The following RAB33B variants were observed in gnomAD, a reference collection of about 807,000 sequenced individuals.
RAB33B encodes the protein ras-related protein Rab-33B.
Under a neutral mutation model 15.0 loss-of-function variants are expected in RAB33B, and 6 were observed. The observed-to-expected ratio is 0.40, with a 90% CI of 0.22 to 0.79. The LOEUF is 0.79. RAB33B is among the 30% of genes least tolerant of loss of function. RAB33B has a pLI of 0.37. For missense variants in RAB33B, 257 were observed against 296.4 expected (o/e 0.87, Z 0.98); for synonymous variants, 117 against 108.3 (o/e 1.08, Z -0.50).
At chr4:139,453,046 G>T (rs1012841067), upstream of RAB33B, 2 of 152,130 alleles carry the variant, frequency 1.3e-5, no homozygotes, top group African/African-American at 4.8e-5. Context: ...TAAGGTTGGG[G>T]GTTTAATCTA....
Position 139,454,216 on chromosome 4 carries a change from G to A in RAB33B, c.21G>A (p.Ser7=). The part of the protein sequence containing the change: MAEEME[S]SLEASFSSSG... ...GGGGAATGGCTGAGGAGATGGAGTC[G>A]TCGCTCGAGGCAAGCTTTTCGTCCA... The change falls in exon 1 of 2, where the codon TCG becomes TCA. Residue 7 remains serine (S), a synonymous_variant. Coordinates refer to ENST00000305626, the MANE Select transcript of RAB33B (RefSeq NM_031296.3). 1 of 1,613,396 alleles carries A rather than the reference G, an allele frequency of 6.2e-7. No homozygotes were observed. Among genetic ancestry groups the A allele is most frequent in the South Asian group, 1.1e-5 (1 of 90,998 alleles).
chr4:139,449,717 AC>A (rs1383152349), upstream of RAB33B: 1 of 151,874 alleles, frequency 6.6e-6, no homozygotes, highest in Non-Finnish European at 1.5e-5. Flanking sequence ...CTATTCTGGG[AC>A]CTTGTGATCA....
rs1750495243 is a variant in RAB33B at position 139,475,992 on chromosome 4, G to A, written c.*2866G>A. 1 of 151,988 alleles carries A rather than the reference G, an allele frequency of 6.6e-6. No homozygotes were observed. The highest frequency in any genetic ancestry group is 2.1e-4 in the South Asian group (1 of 4,816). 9.4% of individuals were successfully genotyped at this position (151,988 alleles called of 1,614,324 possible). ...AATCTTTTTTTCCTCCTGGTTTCCA[G>A]ATAATATTATATATATGATACACTT... On this transcript the variant is annotated 3_prime_UTR_variant, in exon 2 of 2. Coordinates refer to ENST00000305626, the MANE Select transcript of RAB33B (RefSeq NM_031296.3).
At position 139,454,879 on chromosome 4, in the gene RAB33B, A is replaced by G. The variant is rs563041508; in HGVS notation, c.249+435A>G. Among the ~76,000 whole-genome samples the G allele has an allele frequency of 3.9e-5, 6 of 152,352 alleles. No individual in the cohort carries two copies. The East Asian group carries it at 1.2e-3, about 29-fold the overall frequency. On this transcript the variant is annotated intron_variant, in intron 1 of 1. Transcript: ENST00000305626. ...AATCAGTAATAGTTATTAAACATTC[A>G]TTCGAGCAGTGCCTTAGATGTTGTG...
Position 139,454,163 on chromosome 4 carries a change from TTCCTC to T in RAB33B, c.-32_-28del. The T allele has an allele frequency of 1.3e-6, 2 of 1,586,408 alleles. No individual in the cohort carries two copies. Among genetic ancestry groups the T allele is most frequent in the Non-Finnish European group, 1.7e-6 (2 of 1,165,442 alleles). ...ATCTCTCAGCCTTTCTGTGTCTCCTTTCCTCCGCCTCAGTTTGGGGCGGGTCGGGG... is the reference window on the plus strand; with the variant it reads ...ATCTCTCAGCCTTTCTGTGTCTCCTTCGCCTCAGTTTGGGGCGGGTCGGGG... On this transcript the variant is annotated 5_prime_UTR_variant, in exon 1 of 2. Transcript: ENST00000305626.
At chr4:139,471,514 C>T (rs995555203) in intron 1 of RAB33B, among the ~76,000 whole-genome samples, 2 of 146,434 alleles carry the variant, frequency 1.4e-5, no homozygotes, top group East Asian at 2.0e-4. Context: ...ATTTTTGGTT[C>T]TTATGAAGTT....
upstream of RAB33B, chr4:139,452,827 T>C (rs981887801): frequency 1.3e-5 from 2 of 152,270 alleles, no homozygotes; most frequent in Admixed American, 1.3e-4. Context: ...CTAGAACTTT[T>C]AGTGCTCTAC....
In RAB33B at chr4:139,474,670, T is replaced by G. The variant is rs770923966; in HGVS notation, c.*1544T>G. 4 of 152,660 alleles carry G rather than the reference T, an allele frequency of 2.6e-5. No individual in the cohort carries two copies. Among genetic ancestry groups the G allele is most frequent in the Non-Finnish European group, 5.9e-5 (4 of 68,030 alleles). The allele number at this position is 152,660 out of a possible 1,614,324, so 9.5% of individuals were successfully genotyped here. On this transcript the variant is annotated 3_prime_UTR_variant, in exon 2 of 2. Transcript: ENST00000305626. The stretch of plus-strand genomic sequence containing the variant: ...TTAGATATTGAAAAATGTCTAAACT[T>G]CAGTGATGGAAAGAATATTTCAAGA...
upstream of RAB33B, chr4:139,452,143 C>T (rs928723212): frequency 9.9e-5 from 15 of 152,200 alleles, no homozygotes; most frequent in African/African-American, 3.6e-4. Context: ...TTCAAGTTAA[C>T]AATCCTTACA....
At chr4:139,464,850 C>T (rs145408626) in intron 1 of RAB33B, among the ~76,000 whole-genome samples, 220 of 152,234 alleles carry the variant, frequency 1.4e-3, no homozygotes, top group African/African-American at 5.0e-3. Context: ...AATAAACATA[C>T]GTGCGCATGT....
chr4:139,441,040 TC>T, the RAB33B span, among the ~76,000 whole-genome samples: 1 of 152,170 alleles, frequency 6.6e-6, no homozygotes, highest in African/African-American at 2.4e-5. Flanking sequence ...CCGCATATTT[TC>T]CCCCAGTTGC....
In RAB33B at chr4:139,472,939, A is replaced by G. The variant is rs1365292099; in HGVS notation, c.503A>G (p.Asp168Gly). 4.3e-6 allele frequency: 7 copies of G among 1,614,206 alleles called. No homozygotes were observed. The highest frequency in any genetic ancestry group is 5.1e-6 in the Non-Finnish European group (6 of 1,180,026). Residue 168 changes from aspartate (D) to glycine (G), a missense_variant, in exon 2 of 2, where the codon GAC (aspartate) becomes GGC (glycine). Transcript: ENST00000305626. Reference sequence around the variant, plus strand: ...ACAGACTTGGCACAAAAATTTGCTGACACACACAGTATGCCTTTGTTTGAA... The same window carrying G: ...ACAGACTTGGCACAAAAATTTGCTGGCACACACAGTATGCCTTTGTTTGAA... ...VPTDLAQKFA[D>G]THSMPLFETS...
chr4:139,449,524 A>G (rs907711689), upstream of RAB33B: 1 of 152,168 alleles, frequency 6.6e-6, no homozygotes, highest in Non-Finnish European at 1.5e-5. Flanking sequence ...GGCACCATCT[A>G]ATCAGCTGCC....
rs1014971385 is a variant in RAB33B at position 139,475,530 on chromosome 4, G to C, written c.*2404G>C. On this transcript the variant is annotated 3_prime_UTR_variant, in exon 2 of 2. Coordinates refer to ENST00000305626, the MANE Select transcript of RAB33B (RefSeq NM_031296.3). Reference sequence around the variant, plus strand: ...TTAAAAAACATACCAGTTGAATGGGGTTAAAGCTTTCAATATCTTAAAATA... The same window carrying C: ...TTAAAAAACATACCAGTTGAATGGGCTTAAAGCTTTCAATATCTTAAAATA... The C allele has an allele frequency of 6.6e-6, 1 of 151,662 alleles. No individual in the cohort carries two copies. Among genetic ancestry groups the C allele is most frequent in the African/African-American group, 2.4e-5 (1 of 41,322 alleles). The allele number at this position is 151,662 out of a possible 1,614,324, so 9.4% of individuals were successfully genotyped here.
the RAB33B span, among the ~76,000 whole-genome samples, chr4:139,442,202 C>A: frequency 1.4e-4 from 21 of 152,042 alleles, no homozygotes; most frequent in Non-Finnish European, 2.2e-4. Context: ...TTTTAAAAAT[C>A]AATTTTTATA....
the RAB33B span, among the ~76,000 whole-genome samples, chr4:139,446,825 G>A: frequency 7.2e-5 from 11 of 152,280 alleles, no homozygotes; most frequent in South Asian, 2.1e-4. Flanking sequence ...ACCTGGCTAC[G>A]GCCACTGCAG....
chr4:139,468,172 A>G lies in RAB33B; in HGVS notation c.250-4514A>G, dbSNP rs1400883530. Among the ~76,000 whole-genome samples the G allele has an allele frequency of 5.6e-4, 85 of 152,274 alleles. 1 individual carries two copies. The highest frequency in any genetic ancestry group is 8.8e-5 in the Non-Finnish European group (6 of 68,028). Reference sequence around the variant, plus strand: ...ACAATCAAGGCAGAAGGTGAAAGGCATATCTCACATGGCAGCAGACAAGAG... The same window carrying G: ...ACAATCAAGGCAGAAGGTGAAAGGCGTATCTCACATGGCAGCAGACAAGAG... On this transcript the variant is annotated intron_variant, in intron 1 of 1. Transcript: ENST00000305626.
intron 1 of RAB33B, among the ~76,000 whole-genome samples, chr4:139,465,480 A>G (rs1382782134): frequency 6.6e-6 from 1 of 152,162 alleles, no homozygotes; most frequent in Non-Finnish European, 1.5e-5. Flanking sequence ...TATGTCCTGA[A>G]TGGTATTGCC....
At chr4:139,447,238 C>T in the RAB33B span, among the ~76,000 whole-genome samples, 1 of 152,260 alleles carries the variant, frequency 6.6e-6, no homozygotes, top group South Asian at 2.1e-4. Context: ...TTTGAAGTCA[C>T]AATTACAACA....
Sources: gnomAD v4.1 joint callset for allele counts (sites outside exome capture counted in the v4.1 genomes callset) on GRCh38, gnomAD v4.1.1 for gene constraint, MANE v1.5 for transcripts, NCBI Gene and HGNC (gene_info 2026-07-23, HGNC 2026-07-21) for gene names.